GABRG2: variants seen among roughly 807,000 people sequenced by gnomAD.
GABRG2 encodes the protein gamma-aminobutyric acid type A receptor subunit gamma2.
Under a neutral mutation model 56.4 loss-of-function variants are expected in GABRG2, and 16 were observed. The observed-to-expected ratio is 0.28, with a 90% CI of 0.19 to 0.43. The LOEUF is 0.43. Ranked by LOEUF, GABRG2 falls within the 20% of genes least tolerant of loss-of-function variation. The pLI is 1.00. For missense variants in GABRG2, 327 were observed against 582.7 expected, an observed-to-expected ratio of 0.56 and a Z score of 4.52; for synonymous variants, 208 against 205.5, an observed-to-expected ratio of 1.01 and a Z score of -0.10.
At chr5:162,107,976 C>T (rs78232630) in intron 6 of GABRG2, among the ~76,000 whole-genome samples, 17,334 of 152,162 alleles carry the variant, frequency 0.11, 1,030 homozygotes, top group Middle Eastern at 0.13. Context: ...CAGTCTATGC[C>T]TTTCACCTTA....
intron 6 of GABRG2, among the ~76,000 whole-genome samples, chr5:162,113,148 C>T (rs1279357970): frequency 6.6e-6 from 1 of 151,948 alleles, no homozygotes; most frequent in Admixed American, 6.6e-5. Flanking sequence ...CCATGTTGGC[C>T]AGTTTGGTCT....
intron 1 of GABRG2, among the ~76,000 whole-genome samples, chr5:162,078,383 A>ATTTTTTT: frequency 3.4e-5 from 1 of 29,130 alleles, no homozygotes; most frequent in Non-Finnish European, 7.2e-5. Context: ...ATATATATAT[A>ATTTTTTT]TATATATATA....
intron 6 of GABRG2, among the ~76,000 whole-genome samples, chr5:162,135,023 A>G (rs1764020263): frequency 6.6e-6 from 1 of 152,252 alleles, no homozygotes; most frequent in Non-Finnish European, 1.5e-5. Flanking sequence ...CGAACTTAAT[A>G]GATGAAATCA....
chr5:162,102,698 T>C, intron 5 of GABRG2: 1 of 419,672 alleles, frequency 2.4e-6, no homozygotes, highest in South Asian at 1.7e-5. Flanking sequence ...ACCCAGCTAA[T>C]TTCTGTATTT....
chr5:162,091,294 TATA>T (rs1760561489), intron 1 of GABRG2, among the ~76,000 whole-genome samples: 2 of 151,922 alleles, frequency 1.3e-5, no homozygotes, highest in East Asian at 3.9e-4. Context: ...ATATAATATT[TATA>T]ATAATATTTG....
chr5:162,067,514 A>G (rs1758302731), upstream of GABRG2: 2 of 427,702 alleles, frequency 4.7e-6, no homozygotes, highest in Admixed American at 3.8e-5. Context: ...AATCACGCAG[A>G]GTCTCTAGTG....
chr5:162,121,986 G>A lies in GABRG2; in HGVS notation c.769+17960G>A, dbSNP rs1363881933. Among the ~76,000 whole-genome samples, 10 of 152,102 alleles carry A rather than the reference G, an allele frequency of 6.6e-5. No homozygotes were observed. In the East Asian group the frequency reaches 1.9e-3, roughly 29 times the overall value. On this transcript the variant is annotated intron_variant, in intron 6 of 9. Coordinates refer to ENST00000639213, the MANE Select transcript of GABRG2 (RefSeq NM_198904.4). Reference sequence around the variant, plus strand: ...ATGCATGCATAAATAAATCAGTGCTGTCATTAACTTTCCAATATCTTAGTG... The same window carrying A: ...ATGCATGCATAAATAAATCAGTGCTATCATTAACTTTCCAATATCTTAGTG...
intron 1 of GABRG2, among the ~76,000 whole-genome samples, chr5:162,069,294 T>C (rs1359525323): frequency 2.0e-5 from 3 of 152,136 alleles, no homozygotes; most frequent in Non-Finnish European, 4.4e-5. Context: ...CATTTTGAAA[T>C]AAAGTTCTAT....
chr5:162,088,424 A>G (rs1301070277), intron 1 of GABRG2, among the ~76,000 whole-genome samples: 1 of 152,146 alleles, frequency 6.6e-6, no homozygotes, highest in Admixed American at 6.6e-5. Flanking sequence ...AAACAGAGGG[A>G]AGAGTTTAAA....
intron 1 of GABRG2, among the ~76,000 whole-genome samples, chr5:162,083,323 A>G (rs2113213718): frequency 6.6e-6 from 1 of 151,912 alleles, no homozygotes; most frequent in African/African-American, 2.4e-5. Flanking sequence ...ATGATTCTAA[A>G]TCTGAGACAG....
At chr5:162,144,720 A>G (rs2113611304) in intron 7 of GABRG2, among the ~76,000 whole-genome samples, 1 of 152,220 alleles carries the variant, frequency 6.6e-6, no homozygotes, top group South Asian at 2.1e-4. Context: ...AGCTGATGAG[A>G]CATAGGTTTG....
At chr5:162,084,503 C>T (rs1314569000) in intron 1 of GABRG2, among the ~76,000 whole-genome samples, 1 of 151,718 alleles carries the variant, frequency 6.6e-6, no homozygotes, top group South Asian at 2.1e-4. Flanking sequence ...TACGGCTGCA[C>T]CTTAGAATTA....
intron 1 of GABRG2, among the ~76,000 whole-genome samples, chr5:162,089,056 A>G (rs1400910279): frequency 6.6e-6 from 1 of 152,132 alleles, no homozygotes; most frequent in Non-Finnish European, 1.5e-5. Flanking sequence ...TCTTGGTAGA[A>G]CATGTGATGG....
chr5:162,139,613 A>G (rs1764404062), intron 6 of GABRG2, among the ~76,000 whole-genome samples: 1 of 152,204 alleles, frequency 6.6e-6, no homozygotes, highest in Admixed American at 6.5e-5. Flanking sequence ...CATTGAGGTA[A>G]TTATCTTGTT....
At chr5:162,145,260 T>C (rs1764871060) in intron 7 of GABRG2, among the ~76,000 whole-genome samples, 1 of 152,170 alleles carries the variant, frequency 6.6e-6, no homozygotes, top group Non-Finnish European at 1.5e-5. Context: ...TGTAGTTTGG[T>C]GCCCAGGTGG....
At chr5:162,094,985 T>G (rs1409212323) in intron 2 of GABRG2, among the ~76,000 whole-genome samples, 1 of 152,154 alleles carries the variant, frequency 6.6e-6, no homozygotes, top group Non-Finnish European at 1.5e-5. Context: ...AGTGTGAGGA[T>G]AATGTGGTCA....
intron 1 of GABRG2, among the ~76,000 whole-genome samples, chr5:162,069,291 A>G (rs1434080433): frequency 6.6e-6 from 1 of 152,158 alleles, no homozygotes; most frequent in Non-Finnish European, 1.5e-5. Flanking sequence ...TTTCATTTTG[A>G]AATAAAGTTC....
chr5:162,102,633 T>C (rs1209006985), intron 5 of GABRG2: 2 of 453,376 alleles, frequency 4.4e-6, no homozygotes, highest in African/African-American at 2.0e-5. Context: ...GGGGCTCAAC[T>C]GATCCTCCCA....
chr5:162,088,050 A>G (rs1025209277), intron 1 of GABRG2, among the ~76,000 whole-genome samples: 2 of 152,078 alleles, frequency 1.3e-5, no homozygotes, highest in Admixed American at 6.6e-5. Context: ...GTGCACACTC[A>G]TGCATAGAGC....
Sources: gnomAD v4.1 joint callset for allele counts (sites outside exome capture counted in the v4.1 genomes callset) on GRCh38, gnomAD v4.1.1 for gene constraint, MANE v1.5 for transcripts, NCBI Gene and HGNC (gene_info 2026-07-23, HGNC 2026-07-21) for gene names.